ZNF480: variants seen among roughly 807,000 people sequenced by gnomAD.
ZNF480 encodes zinc finger protein 480.
ZNF480 carries 15 observed loss-of-function variants against 14.4 expected under a neutral mutation model. The observed-to-expected ratio is 1.04, with a 90% CI of 0.70 to 1.60. The LOEUF (loss-of-function observed/expected upper bound fraction) is 1.60. Among genes scored for constraint, ZNF480 ranks in the 40% most tolerant of loss-of-function variants. The probability of loss-of-function intolerance (pLI) is 0.00; values close to 1 mark genes in which losing one functional copy is unlikely to be tolerated. For missense variants in ZNF480, 593 were observed against 629.7 expected, an observed-to-expected ratio of 0.94 and a Z score of 0.62; for synonymous variants, 218 against 215.5, an observed-to-expected ratio of 1.01 and a Z score of -0.10.
intron 4 of ZNF480, among the ~76,000 whole-genome samples, chr19:52,316,636 A>T (rs1181032704): frequency 2.6e-5 from 4 of 151,988 alleles, no homozygotes; most frequent in Non-Finnish European, 5.9e-5. Context: ...TACCGGCATG[A>T]GCCATGATGC....
At chr19:52,316,641 T>C (rs150073713) in intron 4 of ZNF480, among the ~76,000 whole-genome samples, 14 of 152,160 alleles carry the variant, frequency 9.2e-5, no homozygotes, top group South Asian at 6.2e-4. Context: ...GCATGAGCCA[T>C]GATGCCTAGT....
At chr19:52,309,966 G>A (rs1242848562) in intron 2 of ZNF480, among the ~76,000 whole-genome samples, 1 of 151,658 alleles carries the variant, frequency 6.6e-6, no homozygotes, top group Non-Finnish European at 1.5e-5. Context: ...TCCTGTATGT[G>A]TCATTTTATA....
intron 3 of ZNF480, among the ~76,000 whole-genome samples, 194 bp downstream of exon 3, chr19:52,314,473 C>CAAAA (rs34349660): frequency 1.7e-4 from 11 of 66,202 alleles, no homozygotes; most frequent in Admixed American, 5.1e-4. Flanking sequence ...AACTCCGTCC[C>CAAAA]AAAAAAAAAA....
In ZNF480 at chr19:52,322,293, G is replaced by A. The variant is rs1463273883; in HGVS notation, c.1043G>A (p.Cys348Tyr). The A allele has an allele frequency of 1.2e-6, 2 of 1,613,876 alleles. No homozygotes were observed. The highest frequency in any genetic ancestry group is 1.3e-5 in the African/African-American group (1 of 74,912). ...GAGAAGCCTTACAAATGTGATGAAT[G>A]TGGCAAGGCCTTCTATAGGATTGCG... ...TGEKPYKCDE[C>Y]GKAFYRIALL... Residue 348 changes from cysteine (C) to tyrosine (Y), a missense_variant, in exon 5 of 5, where the codon TGT (cysteine) becomes TAT (tyrosine). By Grantham distance (194) the Cys-to-Tyr change is radical (BLOSUM62 -2). Coordinates refer to ENST00000595962, the MANE Select transcript of ZNF480 (RefSeq NM_144684.4).
intron 2 of ZNF480, among the ~76,000 whole-genome samples, chr19:52,310,922 G>A (rs1249446588): frequency 2.9e-4 from 43 of 148,232 alleles, no homozygotes; most frequent in Admixed American, 1.4e-3. Flanking sequence ...GGAGAATGGC[G>A]TGAACCCGGG....
chr19:52,312,322 AG>A (rs1416446290), intron 2 of ZNF480, among the ~76,000 whole-genome samples: 1 of 151,832 alleles, frequency 6.6e-6, no homozygotes, highest in African/African-American at 2.4e-5. Context: ...CACCATGCCC[AG>A]CTACTTTTTG....
At chr19:52,306,387 A>G (rs1357322576) in intron 2 of ZNF480, among the ~76,000 whole-genome samples, 1 of 152,148 alleles carries the variant, frequency 6.6e-6, no homozygotes, top group African/African-American at 2.4e-5. Flanking sequence ...AAGCTGCTCT[A>G]TGGCATCATC....
At chr19:52,308,301 TTTC>T (rs1418114243) in intron 2 of ZNF480, among the ~76,000 whole-genome samples, 1 of 121,476 alleles carries the variant, frequency 8.2e-6, no homozygotes, top group Non-Finnish European at 1.6e-5. Context: ...GCTTGATTTT[TTTC>T]TTCTTTTTTT....
At chr19:52,304,052 A>G (rs991828038) in intron 2 of ZNF480, among the ~76,000 whole-genome samples, 1 of 152,244 alleles carries the variant, frequency 6.6e-6, no homozygotes, top group African/African-American at 2.4e-5. Context: ...CATATAATGA[A>G]TAATATAACA....
chr19:52,314,166 T>G lies in ZNF480; in HGVS notation c.86T>G (p.Phe29Cys). The G allele has an allele frequency of 6.4e-7, 1 of 1,572,214 alleles. No individual in the cohort carries two copies. The highest frequency in any genetic ancestry group is 2.4e-5 in the East Asian group (1 of 42,522). Residue 29 changes from phenylalanine (F) to cysteine (C), a missense_variant, in exon 3 of 5, where the codon TTC becomes TGC. Coordinates refer to ENST00000595962, the MANE Select transcript of ZNF480 (RefSeq NM_144684.4). ...GMALPQGHLT[F>C]RDVAIEFSQA... ...TTTTCATTTTAGGGACACTTAACAT[T>G]CAGGGACGTGGCCATAGAATTCTCT... is the stretch of plus-strand genomic sequence containing the variant.
Position 52,322,883 on chromosome 19 carries a change from C to CA in ZNF480, c.*28dup, listed in dbSNP as rs775795656. 6.5e-7 allele frequency: 1 copy of CA among 1,533,790 alleles called. No homozygotes were observed. Among genetic ancestry groups the CA allele is most frequent in the South Asian group, 1.3e-5 (1 of 77,342 alleles). On this transcript the variant is annotated 3_prime_UTR_variant, in exon 5 of 5. Coordinates refer to ENST00000595962, the MANE Select transcript of ZNF480 (RefSeq NM_144684.4). ...GAAACTACAAATGCAACAAATGCGT[C>CA]AAAGAATTTAGTGTGCACTCAAGCC...
intron 4 of ZNF480, among the ~76,000 whole-genome samples, chr19:52,320,682 C>T (rs1441232831): frequency 6.6e-6 from 1 of 152,162 alleles, no homozygotes; most frequent in Non-Finnish European, 1.5e-5. Flanking sequence ...GTCCCAGTTA[C>T]TCGGGAGGCT....
At position 52,321,747 on chromosome 19, in the gene ZNF480, G is replaced by A. The variant is rs1302992410; in HGVS notation, c.497G>A (p.Cys166Tyr). The change falls in exon 5 of 5, where the codon TGT becomes TAT. Residue 166 changes from cysteine (C) to tyrosine (Y), a missense_variant. Physicochemically the swap from Cys to Tyr is radical, Grantham distance 194. Coordinates refer to ENST00000595962, the MANE Select transcript of ZNF480 (RefSeq NM_144684.4). ...ATCAACCACAGTTCCTCTGTTTCCT[G>A]TCTTCAAGAAATGTCTTCCAGTGTC... ...NFINHSSSVSCLQEMSSSVKT... is the reference protein window; with the variant it reads ...NFINHSSSVSYLQEMSSSVKT... The A allele has an allele frequency of 1.2e-6, 2 of 1,613,930 alleles. No individual in the cohort carries two copies. Among genetic ancestry groups the A allele is most frequent in the Non-Finnish European group, 8.5e-7 (1 of 1,179,910 alleles).
intron 4 of ZNF480, 49 bp from the exon 5 acceptor site, chr19:52,321,530 C>T (rs2098870605): frequency 6.8e-7 from 1 of 1,474,550 alleles, no homozygotes; most frequent in Admixed American, 2.3e-5. Context: ...AGACTCTAAA[C>T]ATGCCAGAAT....
chr19:52,299,557 C>T (rs1160142083), intron 1 of ZNF480, among the ~76,000 whole-genome samples: 1 of 152,188 alleles, frequency 6.6e-6, no homozygotes, highest in Non-Finnish European at 1.5e-5. Flanking sequence ...ATTCACAGAA[C>T]TCAAGGAAGC....
rs906830427 is a variant in ZNF480, at chr19:52,322,264, T to C, written c.1014T>C (p.Thr338=). 1.9e-6 allele frequency: 3 copies of C among 1,614,006 alleles called. No homozygotes were observed. The highest frequency in any genetic ancestry group is 4.5e-5 in the East Asian group (2 of 44,858). Residue 338 remains threonine (T), a synonymous_variant, in exon 5 of 5, where the codon ACT becomes ACC. Coordinates refer to ENST00000595962, the MANE Select transcript of ZNF480 (RefSeq NM_144684.4). ...TAGCAAATCATTGGAGAATTTATAC[T>C]GGAGAGAAGCCTTACAAATGTGATG... ...SSLANHWRIY[T]GEKPYKCDEC...
intron 2 of ZNF480, among the ~76,000 whole-genome samples, chr19:52,312,351 T>C (rs1192089433): frequency 6.6e-6 from 1 of 151,940 alleles, no homozygotes; most frequent in Non-Finnish European, 1.5e-5. Context: ...TAGTAGAGAC[T>C]GGGCTTCACC....
At chr19:52,315,099 C>T (rs1301353635) in intron 3 of ZNF480, among the ~76,000 whole-genome samples, 1 of 152,018 alleles carries the variant, frequency 6.6e-6, no homozygotes, top group African/African-American at 2.4e-5. Flanking sequence ...ACTGGGATTA[C>T]AGGCACGTGC....
chr19:52,322,048 G>A lies in ZNF480; in HGVS notation c.798G>A (p.Lys266=), dbSNP rs1449667505. ...CTTACAAATGTAATGTCTGTGGCAA[G>A]GTTTTTAGTTACAATTCAAACTTTG... ...EKPYKCNVCG[K]VFSYNSNFAR... Residue 266 remains lysine (K), a synonymous_variant, in exon 5 of 5, where the codon AAG becomes AAA. Coordinates refer to ENST00000595962, the MANE Select transcript of ZNF480 (RefSeq NM_144684.4). 6.2e-7 allele frequency: 1 copy of A among 1,613,896 alleles called. No individual in the cohort carries two copies. The highest frequency in any genetic ancestry group is 1.7e-5 in the Admixed American group (1 of 59,974).
Sources: allele counts gnomAD v4.1 joint callset (sites outside exome capture counted in the v4.1 genomes callset), GRCh38; gene constraint gnomAD v4.1.1; transcripts MANE v1.5; gene names NCBI Gene and HGNC (gene_info 2026-07-23, HGNC 2026-07-21).